Variants in DNAH8 observed in about 807,000 individuals in gnomAD.
The protein encoded by DNAH8 is dynein axonemal heavy chain 8, also known as axonemal beta dynein heavy chain 8.
DNAH8 carries 382 observed loss-of-function variants against 562.1 expected under a neutral mutation model. That is an observed-to-expected ratio of 0.68 (90% confidence interval 0.63 to 0.74). The LOEUF (loss-of-function observed/expected upper bound fraction) is 0.74, where lower values mean the gene tolerates loss of function less well. Ranked by LOEUF, DNAH8 falls within the 30% of genes least tolerant of loss-of-function variation. The pLI, the probability that DNAH8 is intolerant of heterozygous loss-of-function variation, is 0.00. For missense variants in DNAH8, 5,203 were observed against 5,620.4 expected (o/e 0.93, Z 2.37); for synonymous variants, 1,881 against 1,919.4 (o/e 0.98, Z 0.52).
rs777860401 is a variant in DNAH8, at chr6:38,815,573, C to T, written c.3439C>T (p.Arg1147Cys). 6.8e-6 allele frequency: 11 copies of T among 1,613,808 alleles called. No homozygotes were observed. The highest frequency in any genetic ancestry group is 2.2e-5 in the East Asian group (1 of 44,854). Residue 1147 changes from arginine to cysteine, a missense_variant, in exon 26 of 93, where the codon CGT becomes TGT. Arg to Cys is a radical substitution (Grantham distance 180). Around this residue, in one of 6 missense-constraint regions of DNAH8, gnomAD observed 2,176 missense variants for 2,365.1 expected, o/e 0.92. Coordinates refer to ENST00000327475, the MANE Select transcript of DNAH8 (RefSeq NM_001206927.2). ...GGCTCACTGGGGGCAACAGCAAATC[C>T]GTCCCATCAAGTCTGTCATTCCCAG... Reference protein sequence around the residue: ...GVAHWGQQQIRPIKSVIPSPT... With the variant: ...GVAHWGQQQICPIKSVIPSPT...
At chr6:38,869,815 T>C (rs1417079281) in intron 48 of DNAH8, among the ~76,000 whole-genome samples, 1 of 152,222 alleles carries the variant, frequency 6.6e-6, no homozygotes, top group Non-Finnish European at 1.5e-5. Context: ...GGTCGTACTT[T>C]GGAGCAGTAG....
chr6:38,850,833 T>C (rs1357429515), intron 38 of DNAH8, among the ~76,000 whole-genome samples: 1 of 152,198 alleles, frequency 6.6e-6, no homozygotes, highest in Non-Finnish European at 1.5e-5. Flanking sequence ...CACTTGGCCT[T>C]CTTCTCCTCT....
In DNAH8 at chr6:38,918,733, A is replaced by T. The variant is rs78792474; in HGVS notation, c.10524+593A>T. On this transcript the variant is annotated intron_variant, in intron 70 of 92. Coordinates refer to ENST00000327475, the MANE Select transcript of DNAH8 (RefSeq NM_001206927.2). ...TAATGGCCAAAGCTGGTCTTCATGG[A>T]TGAGGGAACAGAATGAGATTCTTAG... Among the ~76,000 whole-genome samples the T allele has an allele frequency of 2.5e-3, 377 of 152,286 alleles. 7 individuals are homozygous for T. In the East Asian group the frequency reaches 0.044, roughly 18 times the overall value.
At chr6:38,914,850 G>T (rs1781183718) in intron 67 of DNAH8, among the ~76,000 whole-genome samples, 1 of 152,012 alleles carries the variant, frequency 6.6e-6, no homozygotes, top group Non-Finnish European at 1.5e-5. Flanking sequence ...TTCTTTTATT[G>T]TTATTATACA....
chr6:38,731,771 A>G (rs1763669917), intron 4 of DNAH8, among the ~76,000 whole-genome samples: 1 of 152,098 alleles, frequency 6.6e-6, no homozygotes, highest in Non-Finnish European at 1.5e-5. Flanking sequence ...CTGGAGTGCA[A>G]TGGTGCCATC....
chr6:38,929,680 A>G lies in DNAH8; in HGVS notation c.11274+14A>G. The G allele has an allele frequency of 1.4e-6, 2 of 1,435,128 alleles. No individual in the cohort carries two copies. Among genetic ancestry groups the G allele is most frequent in the East Asian group, 2.4e-5 (1 of 40,974 alleles). 88.9% of individuals were successfully genotyped at this position (1,435,128 alleles called of 1,614,324 possible). A position where few individuals can be genotyped will look rare whatever the true frequency, so the allele number is the denominator to read the frequency against. ...ACCACTTTCAAGGTGAGCTTTGTAAAAAAAAAAAAAAAGAAAGAAAGAAAG... is the reference window on the plus strand; with the variant it reads ...ACCACTTTCAAGGTGAGCTTTGTAAGAAAAAAAAAAAAGAAAGAAAGAAAG... On this transcript the variant is annotated intron_variant, in intron 75 of 92. Transcript: ENST00000327475.
chr6:38,946,905 C>T (rs576310118), intron 80 of DNAH8, among the ~76,000 whole-genome samples: 3 of 152,240 alleles, frequency 2.0e-5, no homozygotes, highest in African/African-American at 7.2e-5. Flanking sequence ...TTGAAGCCCA[C>T]GCCCTCTAAT....
intron 85 of DNAH8, among the ~76,000 whole-genome samples, chr6:38,975,870 G>T (rs925610728): frequency 6.6e-6 from 1 of 152,150 alleles, no homozygotes; most frequent in Non-Finnish European, 1.5e-5. Flanking sequence ...CTCTTCCACT[G>T]TGCTTATCAT....
intron 1 of DNAH8, among the ~76,000 whole-genome samples, chr6:38,715,953 TA>T (rs1445400081): frequency 6.8e-4 from 20 of 29,238 alleles, no homozygotes; most frequent in South Asian, 1.2e-3. Flanking sequence ...TATATATATA[TA>T]TATATATTTT....
intron 88 of DNAH8, among the ~76,000 whole-genome samples, chr6:38,991,703 T>TCAGGCCAGACAGCTTCCTGTTACTCAGA (rs1364967259): frequency 2.0e-5 from 3 of 152,114 alleles, no homozygotes; most frequent in Non-Finnish European, 2.9e-5. Flanking sequence ...CTCCTGTTAC[T>TCAGGCCAGACAGCTTCCTGTTACTCAGA]CAGGCCAGAC....
intron 49 of DNAH8, among the ~76,000 whole-genome samples, chr6:38,872,007 A>G (rs992116004): frequency 1.3e-5 from 2 of 152,176 alleles, no homozygotes; most frequent in Admixed American, 1.3e-4. Flanking sequence ...GCTTCTTCCC[A>G]TTCCTGTCCT....
rs1179005881 is a variant in DNAH8, at chr6:38,857,760, T to C, written c.5958+18T>C. The C allele has an allele frequency of 6.7e-7, 1 of 1,498,000 alleles. No individual in the cohort carries two copies. Among genetic ancestry groups the C allele is most frequent in the East Asian group, 2.3e-5 (1 of 44,262 alleles). The allele number at this position is 1,498,000 out of a possible 1,614,324, so 92.8% of individuals were successfully genotyped here. A position where few individuals can be genotyped will look rare whatever the true frequency, so the allele number is the denominator to read the frequency against. On this transcript the variant is annotated intron_variant, in intron 42 of 92. Transcript: ENST00000327475. The stretch of plus-strand genomic sequence containing the variant: ...ATGACTTGGTAAGGTATCTTTTTTT[T>C]TAATTTAGTGTACTAACTAATAATG...
At chr6:38,827,921 C>T (rs766054709) in intron 29 of DNAH8, among the ~76,000 whole-genome samples, 7 of 151,476 alleles carry the variant, frequency 4.6e-5, no homozygotes, top group Non-Finnish European at 1.0e-4. Context: ...GACATAGGGT[C>T]AAGGAGGAAA....
chr6:39,000,167 A>C (rs1765394006), intron 88 of DNAH8, among the ~76,000 whole-genome samples: 1 of 152,198 alleles, frequency 6.6e-6, no homozygotes, highest in African/African-American at 2.4e-5. Flanking sequence ...TACAAAGATG[A>C]GTAAGATGCA....
chr6:38,863,254 A>G (rs1776777461), intron 44 of DNAH8, among the ~76,000 whole-genome samples: 1 of 151,944 alleles, frequency 6.6e-6, no homozygotes, highest in African/African-American at 2.4e-5. Flanking sequence ...ACATGGTGAA[A>G]CCCCATCTCT....
chr6:38,815,679 A>T (rs528696114), intron 26 of DNAH8, 22 bp downstream of exon 26: 1 of 1,589,176 alleles, frequency 6.3e-7, no homozygotes, highest in South Asian at 1.1e-5. Context: ...AAATTAGTCA[A>T]TGATCTTACT....
At position 38,935,528 on chromosome 6, in the gene DNAH8, G is replaced by A. The variant is rs554529616; in HGVS notation, c.11458-64G>A. ...TAAAATTGTTAATAAACACTAGTGA[G>A]TTGGGTTTACTGTAATAACTGGTAA... On this transcript the variant is annotated intron_variant, in intron 76 of 92. Coordinates refer to ENST00000327475, the MANE Select transcript of DNAH8 (RefSeq NM_001206927.2). 1.5e-4 allele frequency: 170 copies of A among 1,145,378 alleles called. 1 individual carries two copies. The highest frequency in any genetic ancestry group is 2.1e-4 in the Non-Finnish European group (162 of 788,738). The allele number at this position is 1,145,378 out of a possible 1,614,324, so 71.0% of individuals were successfully genotyped here. A position where few individuals can be genotyped will look rare whatever the true frequency, so the allele number is the denominator to read the frequency against.
chr6:39,024,837 G>A lies in DNAH8; in HGVS notation c.13715-1709G>A, dbSNP rs2281343. 0.012 allele frequency among the ~76,000 whole-genome samples: 1,797 copies of A among 152,146 alleles called. 113 individuals are homozygous for A. In the East Asian group the frequency reaches 0.16, roughly 14 times the overall value. On this transcript the variant is annotated intron_variant, in intron 91 of 92. Coordinates refer to ENST00000327475, the MANE Select transcript of DNAH8 (RefSeq NM_001206927.2). ...AACCAGTCTCTCCTACTAGGCACTC[G>A]GTTTCATGAAACTATAGCTTTATAA...
intron 8 of DNAH8, among the ~76,000 whole-genome samples, chr6:38,742,891 C>G (rs973252899): frequency 7.9e-5 from 12 of 151,454 alleles, no homozygotes; most frequent in Non-Finnish European, 1.5e-4. Context: ...AAATAAATGT[C>G]ATAGCATAAT....
Sources: gnomAD v4.1 joint callset for allele counts (sites outside exome capture counted in the v4.1 genomes callset) on GRCh38, gnomAD v4.1.1 for gene constraint, gnomAD v4.1.1 regional missense constraint, MANE v1.5 for transcripts, NCBI Gene and HGNC (gene_info 2026-07-23, HGNC 2026-07-21) for gene names.